The following TGM5 variants were observed in gnomAD, a reference collection of about 807,000 sequenced individuals.
TGM5 encodes transglutaminase 5.
In TGM5, 69 loss-of-function variants were observed where a neutral mutation model predicts 77.2. The observed-to-expected ratio is 0.89, with a 90% CI of 0.74 to 1.09. TGM5 has a LOEUF of 1.09. Among genes scored for constraint, TGM5 ranks in the 50% least tolerant of loss-of-function variants. The pLI is 0.00. For missense variants in TGM5, 842 were observed against 896.5 expected, an observed-to-expected ratio of 0.94 and a Z score of 0.78; for synonymous variants, 346 against 351.8, an observed-to-expected ratio of 0.98 and a Z score of 0.18.
chr15:43,241,795 G>A (rs1457896889), intron 6 of TGM5, among the ~76,000 whole-genome samples: 16 of 151,366 alleles, frequency 1.1e-4, no homozygotes, highest in Non-Finnish European at 1.5e-4. Context: ...CACCACACCC[G>A]GCTAATTTTT....
At chr15:43,238,784 G>A (rs777199428) in intron 9 of TGM5, 33 bp downstream of exon 9, 1 of 1,611,724 alleles carries the variant, frequency 6.2e-7, no homozygotes, top group South Asian at 1.1e-5. Flanking sequence ...CTGCAGGGCT[G>A]GGGCTCTGAG....
intron 6 of TGM5, among the ~76,000 whole-genome samples, chr15:43,245,161 C>T (rs1378513501): frequency 1.3e-5 from 2 of 151,824 alleles, no homozygotes; most frequent in East Asian, 1.9e-4. Flanking sequence ...GAATGTGGCC[C>T]TAATTTTATA....
At chr15:43,236,014 C>T (rs1485364882) in intron 9 of TGM5, among the ~76,000 whole-genome samples, 177 bp from the exon 10 acceptor site, 1 of 152,232 alleles carries the variant, frequency 6.6e-6, no homozygotes, top group African/African-American at 2.4e-5. Context: ...GGCCACTTCA[C>T]ACCCTTCCTC....
At chr15:43,250,670 C>A (rs1261374634) in intron 6 of TGM5, among the ~76,000 whole-genome samples, 1 of 152,232 alleles carries the variant, frequency 6.6e-6, no homozygotes, top group East Asian at 1.9e-4. Flanking sequence ...GAAGCTGGGT[C>A]TTACCCATCT....
chr15:43,256,198 G>A (rs1356949481), intron 4 of TGM5, among the ~76,000 whole-genome samples: 2 of 152,186 alleles, frequency 1.3e-5, no homozygotes, highest in African/African-American at 4.8e-5. Context: ...TGAGCATGAA[G>A]TGAGAGAGTG....
intron 6 of TGM5, among the ~76,000 whole-genome samples, chr15:43,247,017 G>A (rs2042673784): frequency 6.6e-6 from 1 of 152,098 alleles, no homozygotes; most frequent in Non-Finnish European, 1.5e-5. Flanking sequence ...AATTAGCCGG[G>A]CGTGGTGTTG....
In TGM5 at chr15:43,260,410, C is replaced by A. The variant is rs760197688; in HGVS notation, c.180G>T (p.Val60=). The A allele has an allele frequency of 1.9e-6, 3 of 1,614,204 alleles. No individual in the cohort carries two copies. The highest frequency in any genetic ancestry group is 2.2e-5 in the East Asian group (1 of 44,876). The change falls in exon 2 of 13, where the codon GTG becomes GTT. Residue 60 remains valine, a synonymous_variant. Transcript: ENST00000220420. The part of the protein sequence containing the change: ...FQPGLDNIIF[V]VETGPLPDLA... ...AGCTGGGGTTCTTACCAGTTTCAAC[C>A]ACGAAGATGATGTTGTCCAGGCCTG... is the stretch of plus-strand genomic sequence containing the variant.
chr15:43,262,512 C>A (rs527325875), intron 1 of TGM5, among the ~76,000 whole-genome samples: 1 of 152,172 alleles, frequency 6.6e-6, no homozygotes, highest in Non-Finnish European at 1.5e-5. Context: ...TCCAGCCGGG[C>A]GTGGTGGCTC....
At chr15:43,240,796 A>G (rs1413329608) in intron 7 of TGM5, 56 bp downstream of exon 7, 4 of 1,610,208 alleles carry the variant, frequency 2.5e-6, no homozygotes, top group South Asian at 1.1e-5. Flanking sequence ...TCCTCCTGCC[A>G]TGGGGCTTGG....
intron 6 of TGM5, among the ~76,000 whole-genome samples, chr15:43,244,207 T>C (rs945858396): frequency 1.3e-5 from 2 of 152,232 alleles, no homozygotes; most frequent in African/African-American, 4.8e-5. Flanking sequence ...CTCTCTGTAA[T>C]TTAATGTGTC....
chr15:43,253,528 A>G lies in TGM5; in HGVS notation c.662T>C (p.Val221Ala), dbSNP rs778035074. Residue 221 changes from valine to alanine, a missense_variant, in exon 5 of 13, where the codon GTC becomes GCC. Physicochemically the swap from Val to Ala is moderately conservative, Grantham distance 64. Around this residue, in one of 2 missense-constraint regions of TGM5, gnomAD observed 815 missense variants for 844.6 expected, o/e 0.96. Coordinates refer to ENST00000220420, the MANE Select transcript of TGM5 (RefSeq NM_201631.4). The stretch of plus-strand genomic sequence containing the variant: ...CACCATGGCACACACCACTCTGCTG[A>G]CGTAGACGGGGCTTCCCCGCAGAGC... ...DCALRGSPVYVSRVVCAMINS... is the reference protein window; with the variant it reads ...DCALRGSPVYASRVVCAMINS... 6.2e-7 allele frequency: 1 copy of G among 1,613,006 alleles called. No homozygotes were observed. The highest frequency in any genetic ancestry group is 1.1e-5 in the South Asian group (1 of 91,054).
chr15:43,262,435 G>T (rs780430745), intron 1 of TGM5, among the ~76,000 whole-genome samples: 1 of 152,096 alleles, frequency 6.6e-6, no homozygotes, highest in Non-Finnish European at 1.5e-5. Context: ...GTGAATCAGC[G>T]AATTCAACAG....
At chr15:43,239,996 GTC>G (rs1300098468) in intron 7 of TGM5, among the ~76,000 whole-genome samples, 1 of 152,010 alleles carries the variant, frequency 6.6e-6, no homozygotes, top group African/African-American at 2.4e-5. Context: ...CTGTCTTCCT[GTC>G]TCTCAGTCTC....
chr15:43,251,343 G>A (rs111767075), intron 6 of TGM5, among the ~76,000 whole-genome samples: 4 of 149,086 alleles, frequency 2.7e-5, no homozygotes, highest in African/African-American at 9.9e-5. Flanking sequence ...ACACCTCCTC[G>A]TGCCCTTGGA....
chr15:43,237,661 G>A (rs962556947), intron 9 of TGM5, among the ~76,000 whole-genome samples: 6 of 151,830 alleles, frequency 4.0e-5, no homozygotes, highest in East Asian at 1.9e-4. Flanking sequence ...TGATCCTCCC[G>A]TCTCAGCCTC....
chr15:43,238,529 G>A (rs1281320721), intron 9 of TGM5, among the ~76,000 whole-genome samples: 4 of 152,240 alleles, frequency 2.6e-5, no homozygotes, highest in Non-Finnish European at 4.4e-5. Flanking sequence ...GCCATCTTCA[G>A]TGGGAGGCTG....
chr15:43,234,651 G>A (rs2142351144), intron 11 of TGM5, 118 bp downstream of exon 11: 1 of 1,295,840 alleles, frequency 7.7e-7, no homozygotes, highest in East Asian at 2.3e-5. Flanking sequence ...CACCAGAAGA[G>A]GCAAAGGAAG....
intron 7 of TGM5, chr15:43,239,828 T>C: frequency 5.9e-6 from 1 of 168,996 alleles, no homozygotes; most frequent in Non-Finnish European, 1.3e-5. Context: ...CATGAAACAG[T>C]CTTTGTGGCC....
rs1204958736 is a variant in TGM5, at chr15:43,260,219, G to A, written c.269C>T (p.Ala90Val). The change falls in exon 3 of 13, where the codon GCC becomes GTC. Residue 90 changes from alanine to valine, a missense_variant. Ala to Val is a moderately conservative substitution (Grantham distance 64). Around this residue, in one of 2 missense-constraint regions of TGM5, gnomAD observed 815 missense variants for 844.6 expected, o/e 0.96. Coordinates refer to ENST00000220420, the MANE Select transcript of TGM5 (RefSeq NM_201631.4). ...ARHHSPSPWI[A>V]WLETNGATST... ...GGTGGCCCCATTGGTCTCCAGCCAG[G>A]CAATCCAGGGGCTGGGGCTGTGATG... The A allele has an allele frequency of 3.1e-6, 5 of 1,613,914 alleles. No individual in the cohort carries two copies. The highest frequency in any genetic ancestry group is 1.1e-5 in the South Asian group (1 of 91,082).
Sources: allele counts gnomAD v4.1 joint callset (sites outside exome capture counted in the v4.1 genomes callset), GRCh38; gene constraint gnomAD v4.1.1; regional missense constraint gnomAD v4.1.1; transcripts MANE v1.5; gene names NCBI Gene and HGNC (gene_info 2026-07-23, HGNC 2026-07-21).